Variants in FOXRED1 observed in about 807,000 individuals in gnomAD.
FOXRED1 encodes FAD-dependent oxidoreductase domain-containing protein 1.
In FOXRED1, 52 loss-of-function variants were observed where a neutral mutation model predicts 57.8. The ratio of observed to expected loss-of-function variants is 0.90; its 90% CI spans 0.72 to 1.13. The LOEUF is 1.13. Ranked by LOEUF, FOXRED1 falls within the 50% of genes most tolerant of loss-of-function variation. The pLI, the probability that FOXRED1 is intolerant of heterozygous loss-of-function variation, is 0.00. For missense variants in FOXRED1, 589 were observed against 625.2 expected (o/e 0.94, Z 0.62); for synonymous variants, 271 against 248.3 (o/e 1.09, Z -0.86).
At position 126,271,383 on chromosome 11, in the gene FOXRED1, C is replaced by T. The variant is rs1194834334; in HGVS notation, c.86-54C>T. The T allele has an allele frequency of 2.1e-5, 29 of 1,368,358 alleles. No individual in the cohort carries two copies. Among genetic ancestry groups the T allele is most frequent in the Non-Finnish European group, 2.9e-5 (28 of 956,312 alleles). 84.8% of individuals were successfully genotyped at this position (1,368,358 alleles called of 1,614,324 possible). On this transcript the variant is annotated intron_variant, in intron 1 of 10. Transcript: ENST00000263578. The surrounding 1 kb of genome is among the most constrained non-coding windows in gnomAD (Gnocchi z 5.3). ...TTTCCTGTGCCCATCCTCCAACCCCCCAACCATGTGGGAAGGAAATGTTTG... is the reference window on the plus strand; with the variant it reads ...TTTCCTGTGCCCATCCTCCAACCCCTCAACCATGTGGGAAGGAAATGTTTG...
chr11:126,277,329 C>A lies in FOXRED1; in HGVS notation c.1207-106C>A, dbSNP rs531869851. The A allele has an allele frequency of 5.0e-6, 7 of 1,388,100 alleles. No homozygotes were observed. The highest frequency in any genetic ancestry group is 1.7e-5 in the Admixed American group (1 of 59,694). 86.0% of individuals were successfully genotyped at this position (1,388,100 alleles called of 1,614,324 possible). A position where few individuals can be genotyped will look rare whatever the true frequency, so the allele number is the denominator to read the frequency against. On this transcript the variant is annotated intron_variant, in intron 10 of 10. Transcript: ENST00000263578. The surrounding 1 kb of genome is among the most constrained non-coding windows in gnomAD (Gnocchi z 6.8). ...TCTTGGACACATCCCATCCCATAGACCCCTCAGCAGCAGGTAGAGGGTACT... is the reference window on the plus strand; with the variant it reads ...TCTTGGACACATCCCATCCCATAGAACCCTCAGCAGCAGGTAGAGGGTACT...
At chr11:126,276,834 C>T (rs1951163702) in intron 9 of FOXRED1, 1 of 509,902 alleles carries the variant, frequency 2.0e-6, no homozygotes, top group Non-Finnish European at 3.5e-6. Flanking sequence ...CAAGATTGCG[C>T]CATTGCACTC....
Position 126,277,499 on chromosome 11 carries a change from C to T in FOXRED1, c.1271C>T (p.Pro424Leu). 6.2e-7 allele frequency: 1 copy of T among 1,613,572 alleles called. No individual in the cohort carries two copies. The highest frequency in any genetic ancestry group is 8.5e-7 in the Non-Finnish European group (1 of 1,180,002). ...NTFDQNGVVG[P>L]HPLVVNMYFA... Reference sequence around the variant, plus strand: ...TTTGACCAGAATGGCGTGGTGGGCCCCCACCCGCTAGTTGTCAACATGTAC... The same window carrying T: ...TTTGACCAGAATGGCGTGGTGGGCCTCCACCCGCTAGTTGTCAACATGTAC... Residue 424 changes from proline (P) to leucine (L), a missense_variant, in exon 11 of 11, where the codon CCC (proline) becomes CTC (leucine). By Grantham distance (98) the Pro-to-Leu change is moderately conservative. Coordinates refer to ENST00000263578, the MANE Select transcript of FOXRED1 (RefSeq NM_017547.4). This position sits in a 1 kb window ranked among gnomAD's most constrained non-coding sequence, Gnocchi z 6.8.
Position 126,278,110 on chromosome 11 carries a change from A to G in FOXRED1, c.*421A>G, listed in dbSNP as rs1359938940. On this transcript the variant is annotated 3_prime_UTR_variant, in exon 11 of 11. Coordinates refer to ENST00000263578, the MANE Select transcript of FOXRED1 (RefSeq NM_017547.4). This position sits in a 1 kb window ranked among gnomAD's most constrained non-coding sequence, Gnocchi z 4.8. ...GTTTACCCTATCCATTAATCAATAC[A>G]TGTAATTAACTCCTTCCCTCCAGTC... 8.6e-6 allele frequency: 4 copies of G among 463,306 alleles called. No individual in the cohort carries two copies. The allele number at this position is 463,306 out of a possible 1,614,324, so 28.7% of individuals were successfully genotyped here. A position where few individuals can be genotyped will look rare whatever the true frequency, so the allele number is the denominator to read the frequency against.
intron 1 of FOXRED1, among the ~76,000 whole-genome samples, chr11:126,270,062 G>C (rs1303896805): frequency 6.6e-6 from 1 of 151,336 alleles, no homozygotes. Context: ...TATAACGGTA[G>C]AAGTACATGG....
chr11:126,275,725 AC>A lies in FOXRED1; in HGVS notation c.734-67del. Reference sequence around the variant, plus strand: ...CCTTCCAGCTTTCTTTCCTTAAGAAACCAGTGAAATCCCCATTTCATTCCTC... The same window carrying A: ...CCTTCCAGCTTTCTTTCCTTAAGAAACAGTGAAATCCCCATTTCATTCCTC... On this transcript the variant is annotated intron_variant, in intron 6 of 10. Coordinates refer to ENST00000263578, the MANE Select transcript of FOXRED1 (RefSeq NM_017547.4). This position sits in a 1 kb window ranked among gnomAD's most constrained non-coding sequence, Gnocchi z 5.9. The A allele has an allele frequency of 9.2e-7, 1 of 1,087,998 alleles. No individual in the cohort carries two copies. The highest frequency in any genetic ancestry group is 1.4e-6 in the Non-Finnish European group (1 of 706,728). The allele number at this position is 1,087,998 out of a possible 1,614,324, so 67.4% of individuals were successfully genotyped here.
rs1950915083 is a variant in FOXRED1, at chr11:126,269,524, G to A, written c.85+233G>A. 81 of 733,940 alleles carry A rather than the reference G, an allele frequency of 1.1e-4. 1 individual carries two copies. The South Asian group carries it at 1.1e-3, about 10-fold the overall frequency. The allele number at this position is 733,940 out of a possible 1,614,324, so 45.5% of individuals were successfully genotyped here. On this transcript the variant is annotated intron_variant, in intron 1 of 10. Coordinates refer to ENST00000263578, the MANE Select transcript of FOXRED1 (RefSeq NM_017547.4). ...CATTCTCCATTTAAGCTTACAGTCAGACTGATTGATAATCGGTGGCACAGA... is the reference window on the plus strand; with the variant it reads ...CATTCTCCATTTAAGCTTACAGTCAAACTGATTGATAATCGGTGGCACAGA...
Position 126,273,623 on chromosome 11 carries a change from G to A in FOXRED1, c.536+169G>A. ...AGACCTGCAATGCCCTGGGAGTGCT[G>A]TACCACAGATATGGACAAAACACTG... On this transcript the variant is annotated intron_variant, in intron 4 of 10. Transcript: ENST00000263578. The surrounding 1 kb of genome is among the most constrained non-coding windows in gnomAD (Gnocchi z 5.9). 1 of 673,004 alleles carries A rather than the reference G, an allele frequency of 1.5e-6. No individual in the cohort carries two copies. Among genetic ancestry groups the A allele is most frequent in the Non-Finnish European group, 2.7e-6 (1 of 366,666 alleles). The allele number at this position is 673,004 out of a possible 1,614,324, so 41.7% of individuals were successfully genotyped here. A position where few individuals can be genotyped will look rare whatever the true frequency, so the allele number is the denominator to read the frequency against.
At position 126,278,112 on chromosome 11, in the gene FOXRED1, G is replaced by A. The variant is rs1026362324; in HGVS notation, c.*423G>A. On this transcript the variant is annotated 3_prime_UTR_variant, in exon 11 of 11. Coordinates refer to ENST00000263578, the MANE Select transcript of FOXRED1 (RefSeq NM_017547.4). The surrounding 1 kb of genome is among the most constrained non-coding windows in gnomAD (Gnocchi z 4.8). ...TTACCCTATCCATTAATCAATACAT[G>A]TAATTAACTCCTTCCCTCCAGTCTT... 4.1e-5 allele frequency: 19 copies of A among 462,688 alleles called. No homozygotes were observed. The highest frequency in any genetic ancestry group is 8.2e-5 in the Non-Finnish European group (19 of 232,984). The allele number at this position is 462,688 out of a possible 1,614,324, so 28.7% of individuals were successfully genotyped here. A position where few individuals can be genotyped will look rare whatever the true frequency, so the allele number is the denominator to read the frequency against.
At position 126,274,873 on chromosome 11, in the gene FOXRED1, C is replaced by G; in HGVS notation, c.537-54C>G. On this transcript the variant is annotated intron_variant, in intron 4 of 10. Coordinates refer to ENST00000263578, the MANE Select transcript of FOXRED1 (RefSeq NM_017547.4). The surrounding 1 kb of genome is among the most constrained non-coding windows in gnomAD (Gnocchi z 4.8). ...TGGAGTTGGGGTCCATACATCATCCCCCTGCACACTCCCCTCTCTGACACA... is the reference window on the plus strand; with the variant it reads ...TGGAGTTGGGGTCCATACATCATCCGCCTGCACACTCCCCTCTCTGACACA... The G allele has an allele frequency of 9.7e-7, 1 of 1,029,132 alleles. No homozygotes were observed. Among genetic ancestry groups the G allele is most frequent in the Non-Finnish European group, 1.5e-6 (1 of 645,360 alleles). The allele number at this position is 1,029,132 out of a possible 1,614,324, so 63.8% of individuals were successfully genotyped here. A position where few individuals can be genotyped will look rare whatever the true frequency, so the allele number is the denominator to read the frequency against.
In FOXRED1 at chr11:126,277,352, ACT is replaced by A. The variant is rs1951182300; in HGVS notation, c.1207-80_1207-79del. The stretch of plus-strand genomic sequence containing the variant: ...GACCCCTCAGCAGCAGGTAGAGGGT[ACT>A]CTGTGCTGAGCCCTGAGGGGAGTGA... On this transcript the variant is annotated intron_variant, in intron 10 of 10. Transcript: ENST00000263578. The surrounding 1 kb of genome is among the most constrained non-coding windows in gnomAD (Gnocchi z 6.8). 8 of 1,505,546 alleles carry A rather than the reference ACT, an allele frequency of 5.3e-6. No individual in the cohort carries two copies. In the South Asian group the frequency reaches 6.8e-5, roughly 13 times the overall value. 93.3% of individuals were successfully genotyped at this position (1,505,546 alleles called of 1,614,324 possible).
Position 126,273,656 on chromosome 11 carries a change from C to G in FOXRED1, c.536+202C>G, listed in dbSNP as rs1371100152. On this transcript the variant is annotated intron_variant, in intron 4 of 10. Transcript: ENST00000263578. This position sits in a 1 kb window ranked among gnomAD's most constrained non-coding sequence, Gnocchi z 5.9. ...GATATGGACAAAACACTGCGAGGTGCTTCCTAATTTGTCAGATCATGAAAA... is the reference window on the plus strand; with the variant it reads ...GATATGGACAAAACACTGCGAGGTGGTTCCTAATTTGTCAGATCATGAAAA... 1 of 606,556 alleles carries G rather than the reference C, an allele frequency of 1.6e-6. No individual in the cohort carries two copies. The allele number at this position is 606,556 out of a possible 1,614,324, so 37.6% of individuals were successfully genotyped here.
rs1951117029 is a variant in FOXRED1, at chr11:126,275,946, T to G, written c.810+76T>G. ...GTAGTGACTCTCCTTGTTTTGGTTT[T>G]CTTTGACCCACTTTCCAGTATGGGT... On this transcript the variant is annotated intron_variant, in intron 7 of 10. Transcript: ENST00000263578. This position sits in a 1 kb window ranked among gnomAD's most constrained non-coding sequence, Gnocchi z 5.9. 1.9e-6 allele frequency: 3 copies of G among 1,571,884 alleles called. No homozygotes were observed. Among genetic ancestry groups the G allele is most frequent in the Middle Eastern group, 3.3e-4 (2 of 6,014 alleles).
Position 126,271,436 on chromosome 11 carries a change from G to A in FOXRED1, c.86-1G>A, listed in dbSNP as rs768720209. 36 of 1,607,844 alleles carry A rather than the reference G, an allele frequency of 2.2e-5. No individual in the cohort carries two copies. Among genetic ancestry groups the A allele is most frequent in the Non-Finnish European group, 3.0e-5 (35 of 1,174,346 alleles). ...CCTCTGACCCTAACTACATCCCACA[G>A]ACTGGGATGGAAAGGTGTCTGAGAT... On this transcript the variant is annotated splice_acceptor_variant, in intron 1 of 10. Coordinates refer to ENST00000263578, the MANE Select transcript of FOXRED1 (RefSeq NM_017547.4). LOFTEE classifies it high-confidence loss of function. The surrounding 1 kb of genome is among the most constrained non-coding windows in gnomAD (Gnocchi z 5.3).
Sources: gnomAD v4.1 joint callset for allele counts (sites outside exome capture counted in the v4.1 genomes callset) on GRCh38, gnomAD v4.1.1 for gene constraint, Gnocchi (gnomAD v3.1) non-coding constraint, MANE v1.5 for transcripts, NCBI Gene and HGNC (gene_info 2026-07-23, HGNC 2026-07-21) for gene names.